Variants in ADGRL2 observed in about 807,000 individuals in gnomAD.
ADGRL2 encodes the protein calcium-independent alpha-latrotoxin receptor 2.
In ADGRL2, 44 loss-of-function variants were observed where a neutral mutation model predicts 157.4. The ratio of observed to expected loss-of-function variants is 0.28; its 90% CI spans 0.22 to 0.36. The LOEUF (loss-of-function observed/expected upper bound fraction) is 0.36. Among genes scored for constraint, ADGRL2 ranks in the 10% least tolerant of loss-of-function variants. The probability of loss-of-function intolerance (pLI) is 1.00; values close to 1 mark genes in which losing one functional copy is unlikely to be tolerated. For missense variants in ADGRL2, 1,510 were observed against 1,768.9 expected (o/e 0.85, Z 2.63); for synonymous variants, 585 against 624.7 (o/e 0.94, Z 0.95).
At chr1:81,597,676 T>A (rs2081261953) in intron 3 of ADGRL2, among the ~76,000 whole-genome samples, 1 of 152,200 alleles carries the variant, frequency 6.6e-6, no homozygotes, top group Non-Finnish European at 1.5e-5. Context: ...CAACTTACAA[T>A]GGGGTTACAT....
chr1:81,802,132 C>A (rs10874271), intron 1 of ADGRL2, among the ~76,000 whole-genome samples: 1 of 150,090 alleles, frequency 6.7e-6, no homozygotes, highest in African/African-American at 2.4e-5. Context: ...CGGCCGGCCT[C>A]GGCCCTCTCC....
rs79478489 is a variant in ADGRL2 at position 81,403,765 on chromosome 1, A to T, written c.-301-41271A>T. Among the ~76,000 whole-genome samples, 447 of 151,860 alleles carry T rather than the reference A, an allele frequency of 2.9e-3. 1 individual carries two copies. The highest frequency in any genetic ancestry group is 0.01 in the African/African-American group (430 of 41,452). On this transcript the variant is annotated intron_variant, in intron 1 of 24. Transcript: ENST00000370721. The stretch of plus-strand genomic sequence containing the variant: ...TCTACCACTCTTCCTAGGATGACAG[A>T]GAGAGATGGTAGTCAGTAAAGCCAA...
intron 2 of ADGRL2, among the ~76,000 whole-genome samples, chr1:81,468,464 C>T (rs2078105449): frequency 6.6e-6 from 1 of 152,086 alleles, no homozygotes; most frequent in Non-Finnish European, 1.5e-5. Context: ...CAACATTTGT[C>T]AGAATTTTTA....
In ADGRL2 at chr1:81,861,229, C is replaced by G. The variant is rs182236610; in HGVS notation, c.73+24172C>G. ...AAAGACGGGGTTTCACCACATTGGC[C>G]AGGCTGGTTTCGAACTCCTGACCTC... On this transcript the variant is annotated intron_variant, in intron 2 of 23. Transcript: ENST00000686636. 2.6e-5 allele frequency among the ~76,000 whole-genome samples: 4 copies of G among 152,186 alleles called. No individual in the cohort carries two copies. The East Asian group carries it at 7.8e-4, about 30-fold the overall frequency.
intron 1 of ADGRL2, chr1:81,735,346 T>C (rs957991213): frequency 2.7e-5 from 4 of 149,772 alleles, no homozygotes; most frequent in Non-Finnish European, 5.9e-5. Flanking sequence ...TAGTCACTTG[T>C]TAAAGTAGCC....
chr1:81,754,378 G>A (rs2085597552), intron 1 of ADGRL2, among the ~76,000 whole-genome samples: 1 of 150,274 alleles, frequency 6.7e-6, no homozygotes, highest in Admixed American at 6.7e-5. Flanking sequence ...AAATTATAAT[G>A]AGCACTAAAT....
At chr1:81,703,807 T>C (rs1331385910) in intron 1 of ADGRL2, among the ~76,000 whole-genome samples, 1 of 152,242 alleles carries the variant, frequency 6.6e-6, no homozygotes, top group African/African-American at 2.4e-5. Flanking sequence ...TAACAGTCTC[T>C]AAGTTTACAT....
chr1:81,811,338 T>C (rs2089845601), intron 1 of ADGRL2, among the ~76,000 whole-genome samples: 1 of 151,844 alleles, frequency 6.6e-6, no homozygotes, highest in Non-Finnish European at 1.5e-5. Context: ...AGTTCATTTC[T>C]AGGTAAGTCA....
intron 1 of ADGRL2, among the ~76,000 whole-genome samples, chr1:81,758,226 A>G (rs905234636): frequency 5.3e-5 from 8 of 152,164 alleles, no homozygotes; most frequent in Non-Finnish European, 1.2e-4. Flanking sequence ...TTAAGTGAAC[A>G]TAGAGTTTGA....
chr1:81,624,062 C>G (rs567504063), intron 3 of ADGRL2, among the ~76,000 whole-genome samples: 1 of 152,106 alleles, frequency 6.6e-6, no homozygotes, highest in East Asian at 1.9e-4. Flanking sequence ...CCAGGAGTAG[C>G]GAAGACCATC....
chr1:81,350,641 C>G (rs1488264389), intron 1 of ADGRL2, among the ~76,000 whole-genome samples: 1 of 152,164 alleles, frequency 6.6e-6, no homozygotes, highest in African/African-American at 2.4e-5. Context: ...ACATAGTCTA[C>G]CAACGTAATG....
intron 1 of ADGRL2, among the ~76,000 whole-genome samples, chr1:81,830,073 A>G (rs1470794707): frequency 2.0e-5 from 3 of 152,160 alleles, no homozygotes; most frequent in African/African-American, 7.2e-5. Flanking sequence ...TTTAGTAATT[A>G]TTATTTAATG....
At chr1:81,853,968 T>C (rs911431773) in intron 2 of ADGRL2, among the ~76,000 whole-genome samples, 1 of 152,176 alleles carries the variant, frequency 6.6e-6, no homozygotes, top group Non-Finnish European at 1.5e-5. Flanking sequence ...CACAGAATTA[T>C]CCTTTAATTC....
chr1:81,389,051 C>CA (rs1177143938), intron 1 of ADGRL2, among the ~76,000 whole-genome samples: 1 of 152,162 alleles, frequency 6.6e-6, no homozygotes, highest in Non-Finnish European at 1.5e-5. Context: ...ACTACATTCT[C>CA]AACTTGCTTC....
intron 2 of ADGRL2, among the ~76,000 whole-genome samples, chr1:81,848,981 T>G (rs1470471742): frequency 1.3e-5 from 2 of 151,972 alleles, no homozygotes; most frequent in Non-Finnish European, 2.9e-5. Flanking sequence ...CCCTTTTGTT[T>G]GCTTACAACA....
intron 2 of ADGRL2, among the ~76,000 whole-genome samples, chr1:81,781,495 G>T (rs370605071): frequency 5.9e-5 from 9 of 152,140 alleles, no homozygotes; most frequent in African/African-American, 1.7e-4. Flanking sequence ...GCTTTAAAAG[G>T]AGTTTCAAAA....
chr1:81,323,856 G>A (rs991112974), intron 1 of ADGRL2, among the ~76,000 whole-genome samples: 13 of 152,238 alleles, frequency 8.5e-5, no homozygotes, highest in Admixed American at 3.9e-4. Flanking sequence ...GTAGAAAAGA[G>A]CTTGGTAAAA....
chr1:81,527,228 C>T (rs1293821309), intron 2 of ADGRL2, among the ~76,000 whole-genome samples: 2 of 152,168 alleles, frequency 1.3e-5, no homozygotes, highest in Non-Finnish European at 2.9e-5. Context: ...GAGTTTGTCA[C>T]ATAGACTTCC....
chr1:81,845,973 A>G (rs1001665865), intron 2 of ADGRL2, among the ~76,000 whole-genome samples: 3 of 151,914 alleles, frequency 2.0e-5, no homozygotes, highest in African/African-American at 7.2e-5. Context: ...TCTCAGTTAA[A>G]TATTTATTCA....
Sources: gnomAD v4.1 joint callset for allele counts (sites outside exome capture counted in the v4.1 genomes callset) on GRCh38, gnomAD v4.1.1 for gene constraint, MANE v1.5 for transcripts, NCBI Gene and HGNC (gene_info 2026-07-23, HGNC 2026-07-21) for gene names.